Variants in ERCC6L2 observed in about 807,000 individuals in gnomAD.
The protein encoded by ERCC6L2 is ERCC excision repair 6 like 2.
A neutral mutation model predicts 132.0 loss-of-function variants in ERCC6L2; 77 were observed. The observed-to-expected ratio is 0.58, with a 90% CI of 0.49 to 0.71. ERCC6L2 has a LOEUF of 0.71. Among genes scored for constraint, ERCC6L2 ranks in the 30% least tolerant of loss-of-function variants. ERCC6L2 has a pLI of 0.00. For synonymous variants in ERCC6L2, 583 were observed against 632.4 expected (o/e 0.92, Z 1.17); for missense variants, 1,542 against 1,837.6 (o/e 0.84, Z 2.94).
At chr9:95,948,791 G>GAAAAAAA (rs55712485) in intron 12 of ERCC6L2, among the ~76,000 whole-genome samples, 2 of 104,062 alleles carry the variant, frequency 1.9e-5, no homozygotes, top group Non-Finnish European at 3.9e-5. Flanking sequence ...CAAGACATTA[G>GAAAAAAA]AAAAAAAAAA....
In ERCC6L2 at chr9:96,015,027, T is replaced by TG. The variant is rs1554763611; in HGVS notation, c.*1824_*1825insG. On this transcript the variant is annotated 3_prime_UTR_variant, in exon 19 of 19. Coordinates refer to ENST00000653738, the MANE Select transcript of ERCC6L2 (RefSeq NM_020207.7). ...TCATATATGTACAGTTTTTTTTTTT[T>TG]TTTTTTTTTTTTTGAGATTGAGTCT... Among the ~76,000 whole-genome samples the TG allele has an allele frequency of 2.2e-4, 27 of 122,896 alleles. No homozygotes were observed. Among genetic ancestry groups the TG allele is most frequent in the African/African-American group, 9.9e-4 (26 of 26,212 alleles). The allele number at this position is 122,896 out of a possible 152,430, so 80.6% of individuals were successfully genotyped here.
chr9:95,920,696 G>C (rs903801977), intron 6 of ERCC6L2, among the ~76,000 whole-genome samples: 5 of 152,188 alleles, frequency 3.3e-5, no homozygotes, highest in African/African-American at 1.2e-4. Flanking sequence ...TATCCAGGGT[G>C]GGGTGGAGAG....
intron 19 of ERCC6L2, among the ~76,000 whole-genome samples, chr9:96,033,926 G>C (rs371148646): frequency 6.6e-6 from 1 of 152,338 alleles, no homozygotes; most frequent in African/African-American, 2.4e-5. Context: ...TCACCTGCCT[G>C]GTGCAGGGAC....
At chr9:96,009,504 AAGAG>A (rs771362880) in intron 18 of ERCC6L2, among the ~76,000 whole-genome samples, 3 of 152,190 alleles carry the variant, frequency 2.0e-5, no homozygotes, top group African/African-American at 4.8e-5. Flanking sequence ...TTCCTCCAGA[AAGAG>A]AGAGGATTTT....
At chr9:95,999,756 G>T (rs1833595063) in intron 17 of ERCC6L2, among the ~76,000 whole-genome samples, 1 of 151,652 alleles carries the variant, frequency 6.6e-6, no homozygotes, top group Non-Finnish European at 1.5e-5. Flanking sequence ...ATTTTCTTGG[G>T]GGTATAATCT....
chr9:96,031,486 G>A (rs1834460269), intron 19 of ERCC6L2, among the ~76,000 whole-genome samples: 1 of 152,192 alleles, frequency 6.6e-6, no homozygotes. Flanking sequence ...AACAAACTCT[G>A]TCCCTTTCCC....
chr9:95,983,582 C>G (rs1399358341), intron 17 of ERCC6L2, among the ~76,000 whole-genome samples: 1 of 152,226 alleles, frequency 6.6e-6, no homozygotes, highest in African/African-American at 2.4e-5. Flanking sequence ...CAGCCCTTTT[C>G]AAATTCTATT....
intron 15 of ERCC6L2, among the ~76,000 whole-genome samples, 155 bp from the exon 16 acceptor site, chr9:95,971,778 A>C (rs1385979280): frequency 6.6e-6 from 1 of 152,196 alleles, no homozygotes; most frequent in Non-Finnish European, 1.5e-5. Flanking sequence ...TATGATATTA[A>C]ATCCTTAACA....
At chr9:95,947,610 C>G (rs969272939) in intron 12 of ERCC6L2, among the ~76,000 whole-genome samples, 3 of 152,154 alleles carry the variant, frequency 2.0e-5, no homozygotes, top group African/African-American at 7.2e-5. Flanking sequence ...AAGAAGATGT[C>G]ATTGAGGACT....
rs1829093333 is a variant in ERCC6L2, at chr9:95,907,340, T to TG, written c.788+69_788+70insG. 7 of 734,960 alleles carry TG rather than the reference T, an allele frequency of 9.5e-6. No individual in the cohort carries two copies. In the Admixed American group the frequency reaches 1.8e-4, roughly 19 times the overall value. 45.5% of individuals were successfully genotyped at this position (734,960 alleles called of 1,614,324 possible). A position where few individuals can be genotyped will look rare whatever the true frequency, so the allele number is the denominator to read the frequency against. ...ACTTACATCCCTTTATATTAAGAGTTTTTTTTTTTTTTTTTTTGAGACAGA... is the reference window on the plus strand; with the variant it reads ...ACTTACATCCCTTTATATTAAGAGTTGTTTTTTTTTTTTTTTTTGAGACAGA... On this transcript the variant is annotated intron_variant, in intron 4 of 18. Transcript: ENST00000653738.
chr9:95,911,158 G>A (rs1358043213), intron 4 of ERCC6L2, among the ~76,000 whole-genome samples: 1 of 152,142 alleles, frequency 6.6e-6, no homozygotes, highest in East Asian at 1.9e-4. Flanking sequence ...GCCTCCCAAA[G>A]TGCTGGGATT....
At chr9:95,881,700 A>T (rs1308116378) in intron 2 of ERCC6L2, among the ~76,000 whole-genome samples, 1 of 152,186 alleles carries the variant, frequency 6.6e-6, no homozygotes, top group Non-Finnish European at 1.5e-5. Flanking sequence ...GAAGTTTATC[A>T]TGTTAGAAGT....
At chr9:95,964,278 G>A (rs781521300) in intron 13 of ERCC6L2, among the ~76,000 whole-genome samples, 13 of 151,968 alleles carry the variant, frequency 8.6e-5, no homozygotes, top group Non-Finnish European at 1.6e-4. Context: ...CTATTTATTT[G>A]ATGTTCACAT....
At chr9:95,954,757 A>T in intron 12 of ERCC6L2, 1 of 471,060 alleles carries the variant, frequency 2.1e-6, no homozygotes, top group Non-Finnish European at 4.4e-6. Context: ...AGAGAAAGGG[A>T]TGCTGAGCCC....
chr9:95,945,832 A>G (rs1331729701), intron 12 of ERCC6L2, among the ~76,000 whole-genome samples: 5 of 152,222 alleles, frequency 3.3e-5, no homozygotes, highest in Non-Finnish European at 1.5e-5. Flanking sequence ...AAACTCAGAA[A>G]GCATGACCAA....
At chr9:95,960,266 G>C (rs1027496085) in intron 13 of ERCC6L2, among the ~76,000 whole-genome samples, 1 of 152,016 alleles carries the variant, frequency 6.6e-6, no homozygotes, top group African/African-American at 2.4e-5. Flanking sequence ...AAAGGCAGAT[G>C]AATAGCCCAG....
chr9:95,910,614 A>G (rs900811925), intron 4 of ERCC6L2, among the ~76,000 whole-genome samples: 4 of 152,098 alleles, frequency 2.6e-5, no homozygotes, highest in East Asian at 3.9e-4. Context: ...TGAGTCTCCA[A>G]ATATTGCTTT....
At chr9:95,897,723 G>C in intron 2 of ERCC6L2, 126 bp from the exon 3 acceptor site, 2 of 975,076 alleles carry the variant, frequency 2.1e-6, no homozygotes, top group Non-Finnish European at 3.1e-6. Context: ...AATATTTCAT[G>C]TTCTATTTCC....
Position 95,897,887 on chromosome 9 carries a change from A to G in ERCC6L2, c.510A>G (p.Gly170=). The G allele has an allele frequency of 6.2e-7, 1 of 1,612,746 alleles. No individual in the cohort carries two copies. Among genetic ancestry groups the G allele is most frequent in the Non-Finnish European group, 8.5e-7 (1 of 1,179,442 alleles). Residue 170 remains glycine (G), a synonymous_variant, in exon 3 of 19, where the codon GGA becomes GGG. Coordinates refer to ENST00000653738, the MANE Select transcript of ERCC6L2 (RefSeq NM_020207.7). ...TGGCTGCAGTTTTGCATAAAAAGGG[A>G]ACTCGTGAGGATATTGAAAATAACA... ...SFLAAVLHKK[G]TREDIENNMP...
Sources: allele counts gnomAD v4.1 joint callset (sites outside exome capture counted in the v4.1 genomes callset), GRCh38; gene constraint gnomAD v4.1.1; transcripts MANE v1.5; gene names NCBI Gene and HGNC (gene_info 2026-07-23, HGNC 2026-07-21).